The following PCDH7 variants were observed in gnomAD, a reference collection of about 807,000 sequenced individuals.
PCDH7 encodes protocadherin-7.
Under a neutral mutation model 58.9 loss-of-function variants are expected in PCDH7, and 17 were observed. That is an observed-to-expected ratio of 0.29 (90% CI 0.20 to 0.43). The LOEUF (loss-of-function observed/expected upper bound fraction) is 0.43, where lower values mean the gene tolerates loss of function less well. PCDH7 is among the 20% of genes least tolerant of loss of function. The probability of loss-of-function intolerance (pLI) is 1.00; values close to 1 mark genes in which losing one functional copy is unlikely to be tolerated. For missense variants in PCDH7, 1,274 were observed against 1,441.0 expected, an observed-to-expected ratio of 0.88 and a Z score of 1.88; for synonymous variants, 664 against 616.4, an observed-to-expected ratio of 1.08 and a Z score of -1.14.
intron 3 of PCDH7, among the ~76,000 whole-genome samples, chr4:30,976,794 C>A (rs936097744): frequency 6.6e-6 from 1 of 152,122 alleles, no homozygotes; most frequent in African/African-American, 2.4e-5. Flanking sequence ...TTATCTCATT[C>A]TTGACAGGAT....
chr4:31,066,318 G>T (rs190307846), intron 3 of PCDH7, among the ~76,000 whole-genome samples: 1 of 151,788 alleles, frequency 6.6e-6, no homozygotes, highest in African/African-American at 2.4e-5. Context: ...TGTAATATGA[G>T]GAGTCTTATA....
intron 3 of PCDH7, among the ~76,000 whole-genome samples, chr4:30,966,289 C>G (rs1748987773): frequency 6.6e-6 from 1 of 152,164 alleles, no homozygotes; most frequent in Non-Finnish European, 1.5e-5. Flanking sequence ...TTGAGTCACA[C>G]ATGCTTAAAT....
intron 1 of PCDH7, among the ~76,000 whole-genome samples, chr4:30,816,708 T>C (rs1429208401): frequency 6.6e-6 from 1 of 152,152 alleles, no homozygotes; most frequent in Non-Finnish European, 1.5e-5. Flanking sequence ...CAAAAATGTA[T>C]ATTCATTTTT....
At chr4:30,754,161 G>GGGGT (rs1553879618) in intron 1 of PCDH7, among the ~76,000 whole-genome samples, 4 of 138,582 alleles carry the variant, frequency 2.9e-5, no homozygotes, top group Admixed American at 7.1e-5. Context: ...GCAAACACTA[G>GGGGT]GTGTGTGTGT....
At chr4:31,064,475 A>C (rs1757925209) in intron 3 of PCDH7, among the ~76,000 whole-genome samples, 1 of 152,056 alleles carries the variant, frequency 6.6e-6, no homozygotes. Context: ...AAACAACAGA[A>C]GTTTATTCTT....
chr4:31,013,922 G>C (rs563751545), intron 3 of PCDH7, among the ~76,000 whole-genome samples: 2 of 151,868 alleles, frequency 1.3e-5, no homozygotes, highest in Non-Finnish European at 2.9e-5. Context: ...TTTCTTCCTG[G>C]GGATTTCCAG....
chr4:31,073,434 A>G (rs538532948), intron 3 of PCDH7, among the ~76,000 whole-genome samples: 69 of 152,298 alleles, frequency 4.5e-4, no homozygotes, highest in Non-Finnish European at 7.1e-4. Flanking sequence ...CTGCTATACT[A>G]TTAGCTCAAC....
intron 1 of PCDH7, among the ~76,000 whole-genome samples, chr4:30,728,294 TATAGAGAGAGAGAG>T (rs1227399876): frequency 1.6e-4 from 20 of 127,780 alleles, no homozygotes; most frequent in Non-Finnish European, 2.5e-4. Context: ...TATATATATA[TATAGAGAGAGAGAG>T]AGAGAGAGAG....
chr4:30,722,656 G>T lies in PCDH7; in HGVS notation c.1234G>T (p.Val412Leu), dbSNP rs1211964760. ...TAACATCAAAGACGAGAACGACAAC[G>T]TGCCGTCCATTGAAATCCGCAAGAT... Residue 412 changes from valine to leucine, a missense_variant, in exon 1 of 2, where the codon GTG (valine) becomes TTG (leucine). By Grantham distance (32) the Val-to-Leu change is conservative. Coordinates refer to ENST00000361762, the Ensembl canonical transcript of PCDH7. This position sits in a 1 kb window ranked among gnomAD's most constrained non-coding sequence, Gnocchi z 7.6. 6.2e-7 allele frequency: 1 copy of T among 1,613,544 alleles called. No homozygotes were observed. Among genetic ancestry groups the T allele is most frequent in the Non-Finnish European group, 8.5e-7 (1 of 1,180,046 alleles).
chr4:30,871,417 C>T (rs1284338772), intron 1 of PCDH7, among the ~76,000 whole-genome samples: 4 of 152,028 alleles, frequency 2.6e-5, no homozygotes, highest in Non-Finnish European at 4.4e-5. Context: ...AGAAGGCACA[C>T]TGCTTTCTTA....
At chr4:30,878,985 A>G (rs377059972) in intron 1 of PCDH7, among the ~76,000 whole-genome samples, 2 of 152,288 alleles carry the variant, frequency 1.3e-5, no homozygotes, top group East Asian at 3.9e-4. Flanking sequence ...ATATAGCTAG[A>G]AGGGGAAAAA....
chr4:31,068,953 G>A (rs188534476), intron 3 of PCDH7, among the ~76,000 whole-genome samples: 1 of 152,016 alleles, frequency 6.6e-6, no homozygotes, highest in East Asian at 1.9e-4. Flanking sequence ...TTTAAAATAT[G>A]GCTCCAGATA....
In PCDH7 at chr4:30,818,835, A is replaced by G. The variant is rs116809318; in HGVS notation, c.70+94239A>G. ...TACTCATGACAATACCTGAAATCCA[A>G]TGGACTACTGGCAGGGAAGATTACA... On this transcript the variant is annotated intron_variant, in intron 1 of 3. Transcript: ENST00000509759. Among the ~76,000 whole-genome samples the G allele has an allele frequency of 3.3e-3, 501 of 152,198 alleles. 3 individuals carry two copies. Among genetic ancestry groups the G allele is most frequent in the African/African-American group, 0.011 (475 of 41,532 alleles).
chr4:30,911,479 GAAA>G (rs954420371), intron 1 of PCDH7, among the ~76,000 whole-genome samples: 3 of 152,070 alleles, frequency 2.0e-5, no homozygotes, highest in African/African-American at 7.2e-5. Flanking sequence ...GCATATTACA[GAAA>G]AAGTTTGCCA....
chr4:30,901,677 C>T (rs1274444866), intron 1 of PCDH7, among the ~76,000 whole-genome samples: 1 of 152,078 alleles, frequency 6.6e-6, no homozygotes, highest in Non-Finnish European at 1.5e-5. Flanking sequence ...TAACCAACTG[C>T]AGATAATGTC....
downstream of PCDH7, among the ~76,000 whole-genome samples, chr4:30,737,068 T>C (rs1716407952): frequency 1.3e-5 from 2 of 152,154 alleles, no homozygotes; most frequent in African/African-American, 4.8e-5. Flanking sequence ...AAACTAAAGC[T>C]GGATGAGGGA....
chr4:31,054,429 G>A (rs549362958), intron 3 of PCDH7, among the ~76,000 whole-genome samples: 1 of 152,266 alleles, frequency 6.6e-6, no homozygotes, highest in Non-Finnish European at 1.5e-5. Flanking sequence ...TTCTGCAGCT[G>A]GAGTTGCACA....
At chr4:30,763,106 C>T (rs1720242006) in intron 1 of PCDH7, among the ~76,000 whole-genome samples, 1 of 152,032 alleles carries the variant, frequency 6.6e-6, no homozygotes, top group Non-Finnish European at 1.5e-5. Context: ...GCCTGTAATC[C>T]CAGCTACTCA....
At chr4:31,070,569 A>G (rs1447452147) in intron 3 of PCDH7, among the ~76,000 whole-genome samples, 1 of 152,114 alleles carries the variant, frequency 6.6e-6, no homozygotes, top group African/African-American at 2.4e-5. Flanking sequence ...ACATTTGCTC[A>G]AGCAAACCAT....
Sources: allele counts gnomAD v4.1 joint callset (sites outside exome capture counted in the v4.1 genomes callset), GRCh38; gene constraint gnomAD v4.1.1; non-coding constraint Gnocchi (gnomAD v3.1); transcripts MANE v1.5; gene names NCBI Gene and HGNC (gene_info 2026-07-23, HGNC 2026-07-21).